The following AP3S1 variants were observed in gnomAD, a reference collection of about 807,000 sequenced individuals.
AP3S1 encodes AP-3 complex subunit sigma-1.
AP3S1 carries 12 observed loss-of-function variants against 21.3 expected under a neutral mutation model. The ratio of observed to expected loss-of-function variants is 0.56; its 90% CI spans 0.36 to 0.91. AP3S1 has a LOEUF of 0.91. Among genes scored for constraint, AP3S1 ranks in the 40% least tolerant of loss-of-function variants. The probability of loss-of-function intolerance (pLI) is 0.01; values close to 1 mark genes in which losing one functional copy is unlikely to be tolerated. For missense variants in AP3S1, 116 were observed against 225.0 expected, an observed-to-expected ratio of 0.52 and a Z score of 3.10; for synonymous variants, 48 against 78.4, an observed-to-expected ratio of 0.61 and a Z score of 2.05.
chr5:115,890,376 A>G (rs776305645), intron 3 of AP3S1, among the ~76,000 whole-genome samples: 2 of 152,198 alleles, frequency 1.3e-5, no homozygotes, highest in Non-Finnish European at 1.5e-5. Flanking sequence ...AAAAAATAAC[A>G]ATGAATAAAA....
intron 3 of AP3S1, among the ~76,000 whole-genome samples, chr5:115,879,342 A>C (rs1749060416): frequency 6.6e-6 from 1 of 152,160 alleles, no homozygotes; most frequent in Non-Finnish European, 1.5e-5. Flanking sequence ...TTTTGTCATA[A>C]ATAGCTCTTA....
At chr5:115,896,918 A>C (rs1213309332) in intron 4 of AP3S1, among the ~76,000 whole-genome samples, 1 of 152,212 alleles carries the variant, frequency 6.6e-6, no homozygotes, top group African/African-American at 2.4e-5. Flanking sequence ...CTCTCTTGTG[A>C]AATGTGATGG....
intron 5 of AP3S1, 141 bp from the exon 6 acceptor site, chr5:115,913,221 C>G: frequency 1.4e-6 from 1 of 736,034 alleles, no homozygotes; most frequent in Non-Finnish European, 2.0e-6. Context: ...AGTAACCATT[C>G]CATACCAATT....
intron 3 of AP3S1, among the ~76,000 whole-genome samples, chr5:115,893,573 G>A (rs1750501684): frequency 2.0e-5 from 3 of 152,142 alleles, no homozygotes; most frequent in Admixed American, 2.0e-4. Context: ...GTTGTTCAAG[G>A]ATGAACTGTA....
intron 1 of AP3S1, among the ~76,000 whole-genome samples, chr5:115,846,385 CTG>C (rs1281050009): frequency 6.6e-6 from 1 of 152,140 alleles, no homozygotes; most frequent in Non-Finnish European, 1.5e-5. Context: ...ATATAAAATA[CTG>C]TGTGTATGTA....
intron 1 of AP3S1, among the ~76,000 whole-genome samples, chr5:115,844,160 C>T (rs1043276418): frequency 5.3e-5 from 8 of 152,152 alleles, no homozygotes; most frequent in African/African-American, 1.9e-4. Context: ...TAGACCATAA[C>T]CTTTTTGAGG....
intron 1 of AP3S1, among the ~76,000 whole-genome samples, chr5:115,852,715 A>G (rs181925834): frequency 1.2e-4 from 18 of 152,272 alleles, no homozygotes; most frequent in Middle Eastern, 3.4e-3. Flanking sequence ...GAATCATGAA[A>G]TATTACAGTC....
chr5:115,871,297 T>A (rs534178796), intron 3 of AP3S1, among the ~76,000 whole-genome samples: 1 of 152,210 alleles, frequency 6.6e-6, no homozygotes, highest in Non-Finnish European at 1.5e-5. Flanking sequence ...GGTTCTTGGT[T>A]CCCTGGCATT....
chr5:115,892,859 G>C (rs1750434025), intron 3 of AP3S1, among the ~76,000 whole-genome samples: 1 of 152,144 alleles, frequency 6.6e-6, no homozygotes, highest in Non-Finnish European at 1.5e-5. Flanking sequence ...TGAGGGGATG[G>C]ATACCCCATT....
chr5:115,879,350 T>G (rs531366374), intron 3 of AP3S1, among the ~76,000 whole-genome samples: 1 of 152,352 alleles, frequency 6.6e-6, no homozygotes, highest in Admixed American at 6.5e-5. Flanking sequence ...TAAATAGCTC[T>G]TATTATTTTG....
intron 4 of AP3S1, among the ~76,000 whole-genome samples, chr5:115,898,315 A>G (rs557790495): frequency 1.8e-4 from 27 of 152,318 alleles, no homozygotes; most frequent in African/African-American, 6.3e-4. Context: ...CCTGTAAACC[A>G]CTGTCACACA....
chr5:115,864,780 TAGC>T (rs1304219185), intron 1 of AP3S1, among the ~76,000 whole-genome samples: 3 of 152,150 alleles, frequency 2.0e-5, no homozygotes, highest in Admixed American at 6.5e-5. Flanking sequence ...ACAGAGTAAT[TAGC>T]AGAACACATT....
chr5:115,864,722 AG>A (rs764561285), intron 1 of AP3S1, among the ~76,000 whole-genome samples: 16 of 152,248 alleles, frequency 1.1e-4, no homozygotes, highest in Non-Finnish European at 1.8e-4. Flanking sequence ...GGGAGAATGA[AG>A]GGTTTCAAGA....
At chr5:115,898,825 A>G (rs1177361878) in intron 4 of AP3S1, 1 of 152,252 alleles carries the variant, frequency 6.6e-6, no homozygotes, top group African/African-American at 2.4e-5. Context: ...ATCCTAAAAT[A>G]TGAATCATTC....
chr5:115,905,741 GT>G (rs1430858832), intron 5 of AP3S1, among the ~76,000 whole-genome samples: 1 of 152,080 alleles, frequency 6.6e-6, no homozygotes, highest in Non-Finnish European at 1.5e-5. Flanking sequence ...ACTTCAATTG[GT>G]TAAATTTACC....
chr5:115,866,309 A>G (rs1580655034), intron 1 of AP3S1, among the ~76,000 whole-genome samples: 1 of 152,214 alleles, frequency 6.6e-6, no homozygotes, highest in Non-Finnish European at 1.5e-5. Flanking sequence ...CACTATTTAT[A>G]TCTTTACCTT....
intron 3 of AP3S1, among the ~76,000 whole-genome samples, chr5:115,881,766 T>G (rs1222652582): frequency 1.3e-5 from 2 of 152,204 alleles, no homozygotes; most frequent in Non-Finnish European, 2.9e-5. Context: ...GTTGGGGAAT[T>G]CCTCCTGGAT....
chr5:115,877,121 GT>G (rs1328614560), intron 3 of AP3S1, among the ~76,000 whole-genome samples: 2 of 151,820 alleles, frequency 1.3e-5, no homozygotes, highest in Admixed American at 1.3e-4. Context: ...AAATGGTGGG[GT>G]TTTTTTCTAT....
At chr5:115,855,019 ATATC>A (rs34447523) in intron 1 of AP3S1, among the ~76,000 whole-genome samples, 11,603 of 147,448 alleles carry the variant, frequency 0.079, 508 homozygotes, top group African/African-American at 0.12. Context: ...TATATATTTT[ATATC>A]TATCTATCTA....
Sources: gnomAD v4.1 joint callset for allele counts (sites outside exome capture counted in the v4.1 genomes callset) on GRCh38, gnomAD v4.1.1 for gene constraint, MANE v1.5 for transcripts, NCBI Gene and HGNC (gene_info 2026-07-23, HGNC 2026-07-21) for gene names.